Variants in KCNMA1 observed in about 807,000 individuals in gnomAD.
The protein encoded by KCNMA1 is Calcium-activated potassium channel subunit alpha-1.
A neutral mutation model predicts 140.0 loss-of-function variants in KCNMA1; 29 were observed. The observed-to-expected ratio is 0.21, with a 90% CI of 0.15 to 0.28. The LOEUF is 0.28. Among genes scored for constraint, KCNMA1 ranks in the 10% least tolerant of loss-of-function variants. KCNMA1 has a pLI of 1.00. For missense variants in KCNMA1, 880 were observed against 1,602.2 expected (o/e 0.55, Z 7.70); for synonymous variants, 612 against 611.9 (o/e 1.00, Z 0.00).
intron 1 of KCNMA1, among the ~76,000 whole-genome samples, chr10:77,471,100 C>T (rs1567021649): frequency 6.6e-6 from 1 of 151,546 alleles, no homozygotes; most frequent in African/African-American, 2.4e-5. Flanking sequence ...ACACACAATA[C>T]ACACCAGACA....
intron 2 of KCNMA1, among the ~76,000 whole-genome samples, chr10:77,292,768 G>A (rs1416977110): frequency 6.6e-6 from 1 of 152,124 alleles, no homozygotes; most frequent in African/African-American, 2.4e-5. Context: ...TGTTTTCCTG[G>A]CTGGGTTCTG....
At chr10:77,033,280 G>C (rs963682668) in intron 15 of KCNMA1, among the ~76,000 whole-genome samples, 1 of 152,064 alleles carries the variant, frequency 6.6e-6, no homozygotes, top group Non-Finnish European at 1.5e-5. Context: ...TGAAACATCC[G>C]GATTTCCAAG....
intron 29 of KCNMA1, among the ~76,000 whole-genome samples, chr10:76,878,456 TG>T (rs773290611): frequency 2.0e-5 from 3 of 152,196 alleles, no homozygotes; most frequent in Non-Finnish European, 4.4e-5. Context: ...GTAGCCACTT[TG>T]GGGGGTCTAA....
At position 77,251,268 on chromosome 10, in the gene KCNMA1, G is replaced by C; in HGVS notation, c.541-12C>G. Reference sequence around the variant, plus strand: ...AAGACTAAGACAACCTGTAAAAGAAGAGGAGAATGCCATCACTTAAGAGTT... The same window carrying C: ...AAGACTAAGACAACCTGTAAAAGAACAGGAGAATGCCATCACTTAAGAGTT... On this transcript the variant is annotated splice_polypyrimidine_tract_variant and intron_variant, in intron 2 of 27. Transcript: ENST00000286628. 1 of 1,608,294 alleles carries C rather than the reference G, an allele frequency of 6.2e-7. No individual in the cohort carries two copies. Among genetic ancestry groups the C allele is most frequent in the Non-Finnish European group, 8.5e-7 (1 of 1,175,008 alleles).
At chr10:76,995,265 T>G in intron 19 of KCNMA1, 1 of 200,126 alleles carries the variant, frequency 5.0e-6, no homozygotes, top group Non-Finnish European at 1.1e-5. Context: ...ACAATGTAGA[T>G]TCATAGGAGG....
chr10:76,883,354 G>T (rs1437735827), downstream of KCNMA1, among the ~76,000 whole-genome samples: 1 of 152,180 alleles, frequency 6.6e-6, no homozygotes, highest in African/African-American at 2.4e-5. Context: ...AAGGTTCTGG[G>T]TCATAATCTT....
chr10:77,310,227 T>C (rs992232514), intron 2 of KCNMA1, among the ~76,000 whole-genome samples: 4 of 152,212 alleles, frequency 2.6e-5, no homozygotes, highest in Non-Finnish European at 5.9e-5. Context: ...AAACCTTTTG[T>C]ACCGGCTGGT....
chr10:77,607,886 G>A (rs2085124739), intron 1 of KCNMA1, among the ~76,000 whole-genome samples: 2 of 152,114 alleles, frequency 1.3e-5, no homozygotes, highest in Non-Finnish European at 2.9e-5. Context: ...TCAGCCACTC[G>A]AGAGGTCCCT....
At chr10:77,349,405 G>A (rs1158946965) in intron 2 of KCNMA1, among the ~76,000 whole-genome samples, 2 of 152,152 alleles carry the variant, frequency 1.3e-5, no homozygotes, top group South Asian at 4.1e-4. Flanking sequence ...CAAGTTTATG[G>A]TATCTTGTTA....
At chr10:77,265,300 C>CCCAT (rs2063131174) in intron 2 of KCNMA1, among the ~76,000 whole-genome samples, 3 of 152,184 alleles carry the variant, frequency 2.0e-5, no homozygotes, top group Non-Finnish European at 4.4e-5. Context: ...GATCCAACCG[C>CCCAT]CTTGGTCTCC....
chr10:76,981,328 T>G (rs1322491031), intron 19 of KCNMA1, among the ~76,000 whole-genome samples: 4 of 152,120 alleles, frequency 2.6e-5, no homozygotes, highest in Admixed American at 2.6e-4. Flanking sequence ...TAATTAGGTT[T>G]TGCCAAATGT....
At chr10:77,630,251 C>T (rs1373073029) in intron 1 of KCNMA1, among the ~76,000 whole-genome samples, 2 of 152,178 alleles carry the variant, frequency 1.3e-5, no homozygotes, top group Non-Finnish European at 2.9e-5. Context: ...GCAGTGCAGC[C>T]CTGGTGACAC....
chr10:77,415,496 A>G (rs1426502976), intron 1 of KCNMA1, among the ~76,000 whole-genome samples: 1 of 152,238 alleles, frequency 6.6e-6, no homozygotes, highest in Non-Finnish European at 1.5e-5. Flanking sequence ...TGCCCAGACA[A>G]GAAAACTGTG....
chr10:77,402,732 G>A (rs2096314227), intron 2 of KCNMA1, among the ~76,000 whole-genome samples: 1 of 152,138 alleles, frequency 6.6e-6, no homozygotes, highest in South Asian at 2.1e-4. Flanking sequence ...TTTTTGCTGT[G>A]AGACTCAGAG....
intron 1 of KCNMA1, among the ~76,000 whole-genome samples, chr10:77,549,882 G>A (rs910870989): frequency 1.3e-5 from 2 of 152,224 alleles, no homozygotes; most frequent in Non-Finnish European, 2.9e-5. Context: ...GGTGAAGCTG[G>A]AGAGAGTCAG....
At chr10:76,879,137 T>C (rs140826963) in intron 29 of KCNMA1, among the ~76,000 whole-genome samples, 2 of 152,256 alleles carry the variant, frequency 1.3e-5, no homozygotes, top group African/African-American at 4.8e-5. Flanking sequence ...TAATGATTTA[T>C]AAATTATCTA....
chr10:77,401,716 C>T (rs1031523589), intron 2 of KCNMA1, among the ~76,000 whole-genome samples: 5 of 152,154 alleles, frequency 3.3e-5, no homozygotes, highest in Non-Finnish European at 5.9e-5. Flanking sequence ...TGTGTTTAAG[C>T]CTGGATATGT....
intron 2 of KCNMA1, among the ~76,000 whole-genome samples, chr10:77,286,862 C>T (rs2071150454): frequency 1.3e-5 from 2 of 151,722 alleles, no homozygotes; most frequent in South Asian, 2.1e-4. Flanking sequence ...TAGATCATAC[C>T]TTCCATCTCT....
chr10:77,259,796 A>G (rs555392474), intron 2 of KCNMA1, among the ~76,000 whole-genome samples: 1 of 152,286 alleles, frequency 6.6e-6, no homozygotes, highest in Non-Finnish European at 1.5e-5. Flanking sequence ...CAGCAATTTT[A>G]CATGTCTTTG....
Sources: gnomAD v4.1 joint callset for allele counts (sites outside exome capture counted in the v4.1 genomes callset) on GRCh38, gnomAD v4.1.1 for gene constraint, MANE v1.5 for transcripts, NCBI Gene and HGNC (gene_info 2026-07-23, HGNC 2026-07-21) for gene names.